The following MAGI3 variants were observed in gnomAD, a reference collection of about 807,000 sequenced individuals.
MAGI3 encodes membrane-associated guanylate kinase, WW and PDZ domain-containing protein 3.
A neutral mutation model predicts 121.8 loss-of-function variants in MAGI3; 43 were observed. That is an observed-to-expected ratio of 0.35 (90% confidence interval 0.28 to 0.46). The LOEUF (loss-of-function observed/expected upper bound fraction) is 0.46. Ranked by LOEUF, MAGI3 falls within the 20% of genes least tolerant of loss-of-function variation. The pLI is 1.00. For synonymous variants in MAGI3, 553 were observed against 639.3 expected (o/e 0.86, Z 2.04); for missense variants, 1,547 against 1,797.3 (o/e 0.86, Z 2.52).
chr1:113,448,661 T>G (rs1208082131), intron 1 of MAGI3, among the ~76,000 whole-genome samples: 1 of 152,064 alleles, frequency 6.6e-6, no homozygotes, highest in Non-Finnish European at 1.5e-5. Context: ...ATGATCTAAA[T>G]GCCTTTTTTT....
At chr1:113,509,361 TTTTTTTTG>T (rs1394315975) in intron 1 of MAGI3, among the ~76,000 whole-genome samples, 24 of 142,828 alleles carry the variant, frequency 1.7e-4, no homozygotes, top group Non-Finnish European at 2.8e-4. Context: ...TTTTCTTTTT[TTTTTTTTG>T]TTTTCTTTTT....
At chr1:113,637,041 G>C (rs1244982306) in intron 9 of MAGI3, among the ~76,000 whole-genome samples, 4 of 152,088 alleles carry the variant, frequency 2.6e-5, no homozygotes, top group African/African-American at 9.7e-5. Flanking sequence ...TCAGAGACTA[G>C]GATTGCAACC....
intron 9 of MAGI3, among the ~76,000 whole-genome samples, chr1:113,629,755 TCTCTCTCC>T (rs1651487853): frequency 9.3e-6 from 1 of 107,604 alleles, no homozygotes; most frequent in African/African-American, 3.8e-5. Context: ...TCTCTCTCTC[TCTCTCTCC>T]CTCCCTCCCT....
intron 1 of MAGI3, chr1:113,404,442 A>G (rs938263504): frequency 6.6e-6 from 1 of 152,166 alleles, no homozygotes; most frequent in Non-Finnish European, 1.5e-5. Context: ...AAAAACAAAG[A>G]TAAATACTCA....
intron 1 of MAGI3, among the ~76,000 whole-genome samples, chr1:113,504,092 A>T (rs1313729982): frequency 6.6e-6 from 1 of 152,132 alleles, no homozygotes; most frequent in Non-Finnish European, 1.5e-5. Context: ...TCTTAACAAA[A>T]TACGGTTAAA....
intron 3 of MAGI3, among the ~76,000 whole-genome samples, chr1:113,584,967 C>CT (rs58296325): frequency 1.6e-3 from 219 of 135,718 alleles, no homozygotes; most frequent in East Asian, 9.2e-3. Flanking sequence ...TAGATATTTC[C>CT]TTTTTTTTTT....
chr1:113,427,807 G>A (rs574810003), intron 1 of MAGI3, among the ~76,000 whole-genome samples: 2 of 151,722 alleles, frequency 1.3e-5, no homozygotes, highest in East Asian at 1.9e-4. Flanking sequence ...TTTTTCCAAC[G>A]CTGCCTTTTT....
chr1:113,619,631 A>C (rs753279344), intron 7 of MAGI3, 105 bp from the exon 8 acceptor site: 36 of 747,574 alleles, frequency 4.8e-5, no homozygotes, highest in Admixed American at 9.7e-5. Flanking sequence ...CTAAAGATAC[A>C]TATTTGTCCC....
intron 4 of MAGI3, 40 bp downstream of exon 4, chr1:113,585,636 A>G: frequency 6.5e-7 from 1 of 1,530,462 alleles, no homozygotes; most frequent in Non-Finnish European, 8.9e-7. Context: ...GATCTTCTAG[A>G]TTGATTTTAC....
At chr1:113,434,100 G>A (rs1423277432) in intron 1 of MAGI3, among the ~76,000 whole-genome samples, 1 of 151,980 alleles carries the variant, frequency 6.6e-6, no homozygotes, top group African/African-American at 2.4e-5. Flanking sequence ...GCTGTACCCT[G>A]GTAGCTGTAC....
intron 2 of MAGI3, among the ~76,000 whole-genome samples, chr1:113,556,110 A>G (rs1659980224): frequency 6.6e-6 from 1 of 152,176 alleles, no homozygotes; most frequent in African/African-American, 2.4e-5. Context: ...AAATACTTAT[A>G]TTAGAAAATA....
intron 1 of MAGI3, among the ~76,000 whole-genome samples, chr1:113,455,106 A>G (rs960020830): frequency 1.3e-5 from 2 of 152,154 alleles, no homozygotes; most frequent in African/African-American, 4.8e-5. Flanking sequence ...AAGCTGGAGG[A>G]AGGAAATAAT....
intron 16 of MAGI3, among the ~76,000 whole-genome samples, chr1:113,664,959 G>T (rs1653958915): frequency 1.3e-5 from 2 of 151,914 alleles, no homozygotes; most frequent in South Asian, 2.1e-4. Context: ...CTTTGACCAT[G>T]GTACCCTTTA....
At chr1:113,449,539 C>T (rs767576088) in intron 1 of MAGI3, among the ~76,000 whole-genome samples, 10 of 152,106 alleles carry the variant, frequency 6.6e-5, no homozygotes, top group Non-Finnish European at 8.8e-5. Context: ...GACATCCATC[C>T]AGAACAGAGT....
intron 2 of MAGI3, among the ~76,000 whole-genome samples, chr1:113,572,819 G>T (rs1289831464): frequency 2.0e-5 from 3 of 151,668 alleles, no homozygotes; most frequent in African/African-American, 7.3e-5. Context: ...TGCCTGTTTT[G>T]TTAATCTTTT....
chr1:113,596,021 A>T (rs560804393), intron 6 of MAGI3, among the ~76,000 whole-genome samples: 1 of 133,652 alleles, frequency 7.5e-6, no homozygotes, highest in East Asian at 2.0e-4. Flanking sequence ...ACAGAGTGAG[A>T]CCCTGTCTCA....
At chr1:113,413,034 C>T (rs1440417451) in intron 1 of MAGI3, among the ~76,000 whole-genome samples, 1 of 152,042 alleles carries the variant, frequency 6.6e-6, no homozygotes, top group African/African-American at 2.4e-5. Context: ...GTCTTTAATC[C>T]ATCTTGAATT....
intron 16 of MAGI3, among the ~76,000 whole-genome samples, chr1:113,662,378 T>C (rs150265448): frequency 6.6e-6 from 1 of 152,358 alleles, no homozygotes; most frequent in East Asian, 1.9e-4. Context: ...CCATGGTATC[T>C]TGTTTTTAAA....
At chr1:113,421,867 T>A (rs1044151223) in intron 1 of MAGI3, among the ~76,000 whole-genome samples, 5 of 152,192 alleles carry the variant, frequency 3.3e-5, no homozygotes, top group Non-Finnish European at 5.9e-5. Context: ...TTGATTTTTT[T>A]TTTTTTCAAT....
Sources: allele counts gnomAD v4.1 joint callset (sites outside exome capture counted in the v4.1 genomes callset), GRCh38; gene constraint gnomAD v4.1.1; transcripts MANE v1.5; gene names NCBI Gene and HGNC (gene_info 2026-07-23, HGNC 2026-07-21).